The following MIB1 variants were observed in gnomAD, a reference collection of about 807,000 sequenced individuals.
The protein encoded by MIB1 is E3 ubiquitin-protein ligase MIB1.
Under a neutral mutation model 124.5 loss-of-function variants are expected in MIB1, and 278 were observed. The ratio of observed to expected loss-of-function variants is 2.23; its 90% CI spans 2.02 to 2.47. MIB1 has a LOEUF of 2.47. Among genes scored for constraint, MIB1 ranks in the 30% most tolerant of loss-of-function variants. MIB1 has a pLI of 0.00. For missense variants in MIB1, 957 were observed against 1,254.4 expected, an observed-to-expected ratio of 0.76 and a Z score of 3.58; for synonymous variants, 446 against 429.4, an observed-to-expected ratio of 1.04 and a Z score of -0.48.
intron 13 of MIB1, among the ~76,000 whole-genome samples, chr18:21,842,091 CA>C (rs376834305): frequency 1.1e-4 from 4 of 35,686 alleles, no homozygotes; most frequent in Admixed American, 1.0e-3. Context: ...GACCCTATCT[CA>C]AAAAAAAAAA....
intron 10 of MIB1, among the ~76,000 whole-genome samples, chr18:21,805,779 A>G (rs2041697937): frequency 6.6e-6 from 1 of 151,486 alleles, no homozygotes; most frequent in South Asian, 2.1e-4. Flanking sequence ...GCATGGGATT[A>G]TTCATATATT....
Position 21,765,934 on chromosome 18 carries a change from GA to G in MIB1, c.394del (p.Ser132ValfsTer6). The G allele has an allele frequency of 2.5e-6, 4 of 1,614,072 alleles. No individual in the cohort carries two copies. Among genetic ancestry groups the G allele is most frequent in the Non-Finnish European group, 3.4e-6 (4 of 1,179,936 alleles). On this transcript the variant is annotated frameshift_variant, in exon 2 of 21. Transcript: ENST00000261537. LOFTEE classifies it high-confidence loss of function. ...CGCTTTTACCGAATTACTACACCGG[GA>G]AGTGAGAGGTAGGGAGAACCCTTTT... Reference protein sequence around the residue: ...RHRFYRITTPGSERVLLESRR... With the variant: ...RHRFYRITTPXSERVLLESRR...
intron 1 of MIB1, among the ~76,000 whole-genome samples, chr18:21,733,564 G>A (rs1402577534): frequency 6.6e-6 from 1 of 152,106 alleles, no homozygotes; most frequent in Non-Finnish European, 1.5e-5. Context: ...CACAGCACCT[G>A]GCTGGTATTG....
rs1290759890 is a variant in MIB1 at position 21,779,549 on chromosome 18, C to G, written c.772C>G (p.Leu258Val). 6.2e-7 allele frequency: 1 copy of G among 1,614,000 alleles called. No individual in the cohort carries two copies. The highest frequency in any genetic ancestry group is 8.5e-7 in the Non-Finnish European group (1 of 1,179,966). The change falls in exon 6 of 21, where the codon CTC (leucine) becomes GTC (valine). Residue 258 changes from leucine to valine, a missense_variant. Leu to Val is a conservative substitution (Grantham distance 32). Coordinates refer to ENST00000261537, the MANE Select transcript of MIB1 (RefSeq NM_020774.4). ...TGACCTGGTAAATATAGATCTCGAC[C>G]TCGAAATTGTACAGTCTTTGCAGCA... ...IGDLVNIDLD[L>V]EIVQSLQHGH... is the part of the protein sequence containing the mutation.
chr18:21,855,698 C>T lies in MIB1; in HGVS notation c.2666-1432C>T, dbSNP rs115287369. Among the ~76,000 whole-genome samples, 440 of 152,262 alleles carry T rather than the reference C, an allele frequency of 2.9e-3. 3 individuals are homozygous for T. Among genetic ancestry groups the T allele is most frequent in the Non-Finnish European group, 5.2e-3 (355 of 68,018 alleles). On this transcript the variant is annotated intron_variant, in intron 18 of 20. Transcript: ENST00000261537. ...CATGGCAAACTATTAGGAGTGTAGGCCCTACTTTGTCCACATCAGTGGTTT... is the reference window on the plus strand; with the variant it reads ...CATGGCAAACTATTAGGAGTGTAGGTCCTACTTTGTCCACATCAGTGGTTT...
intron 12 of MIB1, among the ~76,000 whole-genome samples, 194 bp downstream of exon 12, chr18:21,819,840 T>C (rs996131936): frequency 6.6e-6 from 1 of 152,224 alleles, no homozygotes; most frequent in Admixed American, 6.5e-5. Context: ...TATTATGAAA[T>C]GATTATTTAA....
chr18:21,742,649 T>A (rs1219930542), intron 1 of MIB1, among the ~76,000 whole-genome samples: 1 of 152,228 alleles, frequency 6.6e-6, no homozygotes, highest in Non-Finnish European at 1.5e-5. Context: ...ACCAAAGGCT[T>A]GCTTTCACAA....
chr18:21,710,366 T>G (rs1598577048), intron 1 of MIB1, among the ~76,000 whole-genome samples: 1 of 152,122 alleles, frequency 6.6e-6, no homozygotes, highest in East Asian at 1.9e-4. Context: ...AGTTCTGGGA[T>G]TACAGGCGTG....
chr18:21,796,564 TAAAAC>T (rs907424135), intron 7 of MIB1, among the ~76,000 whole-genome samples: 9 of 152,126 alleles, frequency 5.9e-5, no homozygotes, highest in South Asian at 2.1e-4. Context: ...AAAGTAAAAT[TAAAAC>T]AAAACAAAAA....
chr18:21,724,712 CA>C lies in MIB1; in HGVS notation n.167+19605del, dbSNP rs1193584277. On this transcript the variant is annotated intron_variant and non_coding_transcript_variant, in intron 1 of 20. Transcript: ENST00000578646. ...AGAGCAAAACTCTGTCTCCCCCATC[CA>C]AAAAAAAAAAAAAAATATATATATA... Among the ~76,000 whole-genome samples the C allele has an allele frequency of 4.6e-3, 96 of 20,736 alleles. 3 individuals carry two copies. The highest frequency in any genetic ancestry group is 0.062 in the Middle Eastern group (1 of 16). The allele number at this position is 20,736 out of a possible 152,430, so 13.6% of individuals were successfully genotyped here. A position where few individuals can be genotyped will look rare whatever the true frequency, so the allele number is the denominator to read the frequency against.
chr18:21,734,673 C>T (rs895025348), intron 1 of MIB1, among the ~76,000 whole-genome samples: 7 of 138,520 alleles, frequency 5.1e-5, no homozygotes, highest in African/African-American at 1.4e-4. Context: ...GGACTACAAG[C>T]GCATGCCACC....
chr18:21,798,190 T>G lies in MIB1; in HGVS notation c.1199T>G (p.Val400Gly), dbSNP rs1250955376. Residue 400 changes from valine to glycine, a missense_variant, in exon 8 of 21, where the codon GTG (valine) becomes GGG (glycine). Transcript: ENST00000261537. ...WTYNPAAVSK[V>G]ASAGSAISNA... ...TACAATCCAGCAGCAGTTTCCAAGGTGGCATCTGCAGGATCAGCCATTAGC... is the reference window on the plus strand; with the variant it reads ...TACAATCCAGCAGCAGTTTCCAAGGGGGCATCTGCAGGATCAGCCATTAGC... 6.2e-7 allele frequency: 1 copy of G among 1,613,150 alleles called. No individual in the cohort carries two copies. The highest frequency in any genetic ancestry group is 8.5e-7 in the Non-Finnish European group (1 of 1,179,408).
intron 16 of MIB1, among the ~76,000 whole-genome samples, chr18:21,848,459 A>G (rs2146510442): frequency 6.6e-6 from 1 of 152,326 alleles, no homozygotes; most frequent in South Asian, 2.1e-4. Flanking sequence ...TCCAAAAAAA[A>G]AAATCTATAA....
chr18:21,742,372 A>G (rs2146374736), intron 1 of MIB1, among the ~76,000 whole-genome samples: 1 of 151,664 alleles, frequency 6.6e-6, no homozygotes, highest in South Asian at 2.1e-4. Flanking sequence ...TTTCATCCAA[A>G]TTGTTCTATT....
intron 3 of MIB1, among the ~76,000 whole-genome samples, chr18:21,771,016 T>C (rs2041218690): frequency 6.6e-6 from 1 of 152,218 alleles, no homozygotes; most frequent in Admixed American, 6.5e-5. Context: ...TATGTGATGC[T>C]GTGTATTTTC....
At chr18:21,816,290 T>C (rs1227310038) in intron 11 of MIB1, among the ~76,000 whole-genome samples, 1 of 152,186 alleles carries the variant, frequency 6.6e-6, no homozygotes, top group African/African-American at 2.4e-5. Flanking sequence ...ATCTAATTTT[T>C]GAAGCAATGA....
intron 18 of MIB1, 26 bp downstream of exon 18, chr18:21,853,244 A>G (rs1384340144): frequency 1.4e-6 from 2 of 1,471,532 alleles, no homozygotes; most frequent in Admixed American, 3.9e-5. Context: ...AGAGTTCCTC[A>G]ATATTATTAT....
At chr18:21,801,391 G>A (rs1418502406) in intron 9 of MIB1, among the ~76,000 whole-genome samples, 2 of 152,126 alleles carry the variant, frequency 1.3e-5, no homozygotes, top group Non-Finnish European at 2.9e-5. Flanking sequence ...AGTTGTGTAT[G>A]TTATATAAAT....
chr18:21,731,372 A>G (rs1022079601), intron 1 of MIB1, among the ~76,000 whole-genome samples: 2 of 152,190 alleles, frequency 1.3e-5, no homozygotes, highest in African/African-American at 4.8e-5. Flanking sequence ...TTGTATGACT[A>G]TACTGCAAGA....
Sources: allele counts gnomAD v4.1 joint callset (sites outside exome capture counted in the v4.1 genomes callset), GRCh38; gene constraint gnomAD v4.1.1; transcripts MANE v1.5; gene names NCBI Gene and HGNC (gene_info 2026-07-23, HGNC 2026-07-21).